Variants in GRAMD1C observed in about 807,000 individuals in gnomAD.
GRAMD1C encodes protein Aster-C.
In GRAMD1C, 89 loss-of-function variants were observed where a neutral mutation model predicts 97.8. The ratio of observed to expected loss-of-function variants is 0.91; its 90% CI spans 0.77 to 1.09. The LOEUF is 1.09. GRAMD1C is among the 50% of genes least tolerant of loss of function. GRAMD1C has a pLI of 0.00. For synonymous variants in GRAMD1C, 256 were observed against 267.0 expected, an observed-to-expected ratio of 0.96 and a Z score of 0.40; for missense variants, 740 against 766.4, an observed-to-expected ratio of 0.97 and a Z score of 0.41.
At chr3:113,877,825 C>T (rs1935103816) in intron 5 of GRAMD1C, among the ~76,000 whole-genome samples, 1 of 151,316 alleles carries the variant, frequency 6.6e-6, no homozygotes, top group African/African-American at 2.4e-5. Flanking sequence ...ATTGCCCAGG[C>T]TCAAGGCAAT....
intron 17 of GRAMD1C, 78 bp from the exon 18 acceptor site, chr3:113,945,318 AAT>A: frequency 1.2e-6 from 1 of 807,498 alleles, no homozygotes; most frequent in Admixed American, 2.2e-5. Context: ...TGTCACTGTA[AAT>A]TTTGGGCATA....
chr3:113,906,610 A>G (rs1936382293), intron 8 of GRAMD1C, among the ~76,000 whole-genome samples: 1 of 152,182 alleles, frequency 6.6e-6, no homozygotes, highest in African/African-American at 2.4e-5. Context: ...ATAAAATAAA[A>G]ATGTTACAGT....
intron 7 of GRAMD1C, among the ~76,000 whole-genome samples, chr3:113,903,068 G>A (rs1239615989): frequency 2.0e-5 from 3 of 151,300 alleles, no homozygotes; most frequent in Admixed American, 6.6e-5. Context: ...GGGTTCAAGC[G>A]AGTCTTCTGC....
At chr3:113,842,894 T>TA (rs1264641958) in intron 1 of GRAMD1C, among the ~76,000 whole-genome samples, 2 of 149,988 alleles carry the variant, frequency 1.3e-5, no homozygotes, top group Non-Finnish European at 3.0e-5. Flanking sequence ...ACCCGGGAGG[T>TA]AGAGGTTGCA....
chr3:113,909,931 G>T, intron 9 of GRAMD1C, among the ~76,000 whole-genome samples: 1 of 152,126 alleles, frequency 6.6e-6, no homozygotes, highest in East Asian at 1.9e-4. Context: ...CAAGAGCATG[G>T]AAAGTTCATC....
rs192238462 is a variant in GRAMD1C, at chr3:113,935,701, C to G, written c.1457-565C>G. ...TTGTCTATTTCATTATTGAATTCTT[C>G]ATCAGGAGCAGAGAAAAATGAAACT... On this transcript the variant is annotated intron_variant, in intron 13 of 17. Transcript: ENST00000358160. Among the ~76,000 whole-genome samples, 29 of 151,838 alleles carry G rather than the reference C, an allele frequency of 1.9e-4. No homozygotes were observed. The East Asian group carries it at 5.6e-3, about 29-fold the overall frequency.
chr3:113,860,682 T>G (rs980446273), intron 2 of GRAMD1C, among the ~76,000 whole-genome samples: 5 of 152,056 alleles, frequency 3.3e-5, no homozygotes, highest in Non-Finnish European at 7.4e-5. Context: ...AATAGACTTA[T>G]GGGCTAGGTG....
chr3:113,834,180 T>C (rs1709601089), upstream of GRAMD1C, among the ~76,000 whole-genome samples: 1 of 151,860 alleles, frequency 6.6e-6, no homozygotes, highest in South Asian at 2.1e-4. Context: ...ACACCTCCAT[T>C]ATTATTATTA....
At chr3:113,855,741 A>G (rs778087440) in intron 2 of GRAMD1C, among the ~76,000 whole-genome samples, 10 of 151,868 alleles carry the variant, frequency 6.6e-5, no homozygotes, top group Non-Finnish European at 1.5e-4. Context: ...CATAATAATT[A>G]AGTGATTTTA....
At chr3:113,890,386 G>A (rs1360235736) in intron 6 of GRAMD1C, among the ~76,000 whole-genome samples, 1 of 152,216 alleles carries the variant, frequency 6.6e-6, no homozygotes, top group Non-Finnish European at 1.5e-5. Context: ...TCCACGGGCA[G>A]CAGGTCCTGC....
chr3:113,919,883 A>G, intron 10 of GRAMD1C: 5 of 652,776 alleles, frequency 7.7e-6, no homozygotes, highest in Non-Finnish European at 2.9e-6. Flanking sequence ...AATTGGACCC[A>G]GTACCACAGC....
chr3:113,929,296 G>GT (rs1369953906), intron 10 of GRAMD1C, among the ~76,000 whole-genome samples: 2 of 151,888 alleles, frequency 1.3e-5, no homozygotes, highest in Admixed American at 6.6e-5. Flanking sequence ...TTCATTCCAG[G>GT]TTTTTTTTAC....
intron 9 of GRAMD1C, among the ~76,000 whole-genome samples, chr3:113,911,082 T>C (rs1180894785): frequency 6.6e-6 from 1 of 152,034 alleles, no homozygotes; most frequent in Non-Finnish European, 1.5e-5. Context: ...ACTTTCTCAC[T>C]GTGTCTGCTC....
chr3:113,933,966 G>C (rs998480883), intron 12 of GRAMD1C, among the ~76,000 whole-genome samples: 2 of 152,182 alleles, frequency 1.3e-5, no homozygotes, highest in Non-Finnish European at 2.9e-5. Flanking sequence ...AAGGGGCTGG[G>C]AGTTTTGGGG....
chr3:113,916,693 G>C (rs548958051), intron 10 of GRAMD1C, among the ~76,000 whole-genome samples: 1 of 152,252 alleles, frequency 6.6e-6, no homozygotes, highest in East Asian at 1.9e-4. Flanking sequence ...TATTCCCTTT[G>C]TGAAAATCAT....
At chr3:113,895,453 T>G (rs1487228023) in intron 6 of GRAMD1C, among the ~76,000 whole-genome samples, 3 of 152,216 alleles carry the variant, frequency 2.0e-5, no homozygotes, top group African/African-American at 7.2e-5. Context: ...TGTCAGCCAC[T>G]GAGACCTTTT....
rs34645312 is a variant in GRAMD1C, at chr3:113,879,204, CAA to C, written c.459+2955_459+2956del. 5.3e-4 allele frequency among the ~76,000 whole-genome samples: 76 copies of C among 144,570 alleles called. 1 individual carries two copies. The South Asian group carries it at 0.013, about 24-fold the overall frequency. The allele number at this position is 144,570 out of a possible 152,430, so 94.8% of individuals were successfully genotyped here. On this transcript the variant is annotated intron_variant, in intron 5 of 17. Coordinates refer to ENST00000358160, the MANE Select transcript of GRAMD1C (RefSeq NM_017577.5). ...TGGGTGACAGAGTGAGACTCCGTCT[CAA>C]AAAAAAAAAACCAAAAAACAAACAA... is the stretch of plus-strand genomic sequence containing the variant.
intron 10 of GRAMD1C, among the ~76,000 whole-genome samples, chr3:113,916,079 A>T (rs557154152): frequency 2.6e-5 from 4 of 152,358 alleles, no homozygotes; most frequent in African/African-American, 9.6e-5. Flanking sequence ...AACTAAAAGT[A>T]TATTTATTCA....
intron 17 of GRAMD1C, among the ~76,000 whole-genome samples, chr3:113,944,999 G>A (rs576921087): frequency 1.0e-3 from 157 of 152,312 alleles, no homozygotes; most frequent in Non-Finnish European, 1.9e-3. Context: ...GTGTGAATAT[G>A]AGTAAGTTTT....
Sources: gnomAD v4.1 joint callset for allele counts (sites outside exome capture counted in the v4.1 genomes callset) on GRCh38, gnomAD v4.1.1 for gene constraint, MANE v1.5 for transcripts, NCBI Gene and HGNC (gene_info 2026-07-23, HGNC 2026-07-21) for gene names.